GRAMD1C: variants seen among roughly 807,000 people sequenced by gnomAD.
The protein encoded by GRAMD1C is protein Aster-C.
Under a neutral mutation model 97.8 loss-of-function variants are expected in GRAMD1C, and 89 were observed. That is an observed-to-expected ratio of 0.91 (90% confidence interval 0.77 to 1.09). The LOEUF is 1.09. GRAMD1C is among the 50% of genes least tolerant of loss of function. GRAMD1C has a pLI of 0.00. For synonymous variants in GRAMD1C, 256 were observed against 267.0 expected (o/e 0.96, Z 0.40); for missense variants, 740 against 766.4 (o/e 0.97, Z 0.41).
At chr3:113,835,376 T>C, upstream of GRAMD1C, among the ~76,000 whole-genome samples, 1 of 152,242 alleles carries the variant, frequency 6.6e-6, no homozygotes, top group South Asian at 2.1e-4. Context: ...ATATCAATGC[T>C]CTTCAGCCAA....
At position 113,933,511 on chromosome 3, in the gene GRAMD1C, A is replaced by C; in HGVS notation, c.1210A>C (p.Thr404Pro). The C allele has an allele frequency of 6.2e-7, 1 of 1,607,836 alleles. No individual in the cohort carries two copies. Among genetic ancestry groups the C allele is most frequent in the Non-Finnish European group, 8.5e-7 (1 of 1,174,490 alleles). ...AACATTTTTTATCTTACTTTGGCAG[A>C]CACTGTATAAAGAAAGTCGGGAAGC... ...GKCTAATEKQ[T>P]LYKESREARF... Residue 404 changes from threonine to proline, a missense_variant and splice_region_variant, in exon 12 of 18, where the codon ACA (threonine) becomes CCA (proline). Transcript: ENST00000358160.
chr3:113,907,657 A>G (rs935023920), intron 8 of GRAMD1C, among the ~76,000 whole-genome samples: 2 of 152,080 alleles, frequency 1.3e-5, no homozygotes, highest in African/African-American at 4.8e-5. Context: ...CCAAGAAAAT[A>G]TGTTTTTTAA....
intron 1 of GRAMD1C, among the ~76,000 whole-genome samples, chr3:113,828,718 C>T (rs181983968): frequency 1.1e-3 from 175 of 152,192 alleles, no homozygotes; most frequent in African/African-American, 4.0e-3. Flanking sequence ...TTCTTCTACC[C>T]TACTCTTTCT....
intron 2 of GRAMD1C, among the ~76,000 whole-genome samples, chr3:113,862,742 T>G (rs141152041): frequency 0.024 from 3,612 of 152,260 alleles, 139 homozygotes; most frequent in African/African-American, 0.08. Context: ...TGTTCAGAGA[T>G]TGCAGTAAAG....
chr3:113,833,510 G>C (rs1559769577), intron 1 of GRAMD1C, among the ~76,000 whole-genome samples: 1 of 152,030 alleles, frequency 6.6e-6, no homozygotes, highest in African/African-American at 2.4e-5. Context: ...CAAGGCAGGT[G>C]TCCTACCCTT....
chr3:113,850,950 G>A (rs13078956), intron 2 of GRAMD1C, among the ~76,000 whole-genome samples: 1 of 151,322 alleles, frequency 6.6e-6, no homozygotes. Flanking sequence ...CTACAGGCGC[G>A]TGCCACCACG....
intron 2 of GRAMD1C, among the ~76,000 whole-genome samples, chr3:113,867,467 AT>A (rs1934628520): frequency 6.6e-6 from 1 of 150,508 alleles, no homozygotes; most frequent in Admixed American, 6.6e-5. Context: ...TAATTTTTGT[AT>A]TTTAGTAGAG....
At chr3:113,873,297 A>C (rs562923527) in intron 3 of GRAMD1C, among the ~76,000 whole-genome samples, 1 of 152,138 alleles carries the variant, frequency 6.6e-6, no homozygotes, top group South Asian at 2.1e-4. Flanking sequence ...AAAAACACTC[A>C]AAAAAGTCTG....
intron 2 of GRAMD1C, among the ~76,000 whole-genome samples, chr3:113,863,052 G>A (rs1934451612): frequency 6.6e-6 from 1 of 152,054 alleles, no homozygotes; most frequent in Non-Finnish European, 1.5e-5. Flanking sequence ...TTTAAACAGA[G>A]TTACTATATG....
At chr3:113,901,174 A>C (rs1936156729) in intron 7 of GRAMD1C, 28 bp downstream of exon 7, 1 of 1,073,202 alleles carries the variant, frequency 9.3e-7, no homozygotes, top group African/African-American at 1.6e-5. Flanking sequence ...GAAATGTCAA[A>C]ATTTATCAAT....
chr3:113,913,152 G>C, intron 9 of GRAMD1C: 1 of 1,232,248 alleles, frequency 8.1e-7, no homozygotes. Context: ...GCCCCCAGTG[G>C]CCAAATAGGT....
intron 11 of GRAMD1C, among the ~76,000 whole-genome samples, chr3:113,932,473 C>A (rs1937472175): frequency 6.6e-6 from 1 of 152,130 alleles, no homozygotes. Context: ...TGTTTGGTTA[C>A]TACCCTTCTT....
intron 8 of GRAMD1C, 66 bp from the exon 9 acceptor site, chr3:113,908,892 A>C (rs1936462195): frequency 3.5e-6 from 3 of 861,662 alleles, no homozygotes; most frequent in Non-Finnish European, 5.3e-6. Context: ...TTAATATTAA[A>C]GTTCTCACTG....
chr3:113,919,405 G>T (rs564676541), intron 10 of GRAMD1C: 1 of 512,130 alleles, frequency 2.0e-6, no homozygotes, highest in African/African-American at 2.0e-5. Flanking sequence ...CTGGATAGAG[G>T]CTAGAGCACC....
intron 6 of GRAMD1C, among the ~76,000 whole-genome samples, chr3:113,896,689 A>G (rs987889361): frequency 6.6e-6 from 1 of 152,186 alleles, no homozygotes; most frequent in African/African-American, 2.4e-5. Flanking sequence ...AATGAGTAGT[A>G]TTTTCAGCAT....
At chr3:113,838,688 G>T (rs1359380186), upstream of GRAMD1C, 4 of 366,306 alleles carry the variant, frequency 1.1e-5, no homozygotes, top group Non-Finnish European at 1.9e-5. Context: ...AAGTCTCATT[G>T]TGACCCCTAG....
At chr3:113,881,829 A>C (rs1935274948) in intron 5 of GRAMD1C, among the ~76,000 whole-genome samples, 1 of 152,332 alleles carries the variant, frequency 6.6e-6, no homozygotes, top group East Asian at 1.9e-4. Context: ...GATCCTGCAT[A>C]TATCTTCTTT....
intron 1 of GRAMD1C, among the ~76,000 whole-genome samples, chr3:113,831,226 C>A (rs1709553303): frequency 1.3e-5 from 2 of 152,180 alleles, no homozygotes; most frequent in African/African-American, 4.8e-5. Context: ...GGATCCAAGA[C>A]AAAATCGCAC....
intron 11 of GRAMD1C, 23 bp from the exon 12 acceptor site, chr3:113,933,488 C>T: frequency 6.3e-7 from 1 of 1,581,578 alleles, no homozygotes; most frequent in Middle Eastern, 1.7e-4. Flanking sequence ...TACATACAAA[C>T]ATTTTTTATC....
Sources: gnomAD v4.1 joint callset for allele counts (sites outside exome capture counted in the v4.1 genomes callset) on GRCh38, gnomAD v4.1.1 for gene constraint, MANE v1.5 for transcripts, NCBI Gene and HGNC (gene_info 2026-07-23, HGNC 2026-07-21) for gene names.